The following MAST4 variants were observed in gnomAD, a reference collection of about 807,000 sequenced individuals.
MAST4 encodes microtubule-associated serine/threonine-protein kinase 4.
MAST4 carries 89 observed loss-of-function variants against 162.7 expected under a neutral mutation model. That is an observed-to-expected ratio of 0.55 (90% CI 0.46 to 0.65). MAST4 has a LOEUF of 0.65. Ranked by LOEUF, MAST4 falls within the 30% of genes least tolerant of loss-of-function variation. The pLI is 0.00. For synonymous variants in MAST4, 1,479 were observed against 1,361.1 expected (o/e 1.09, Z -1.91); for missense variants, 3,153 against 3,374.0 (o/e 0.93, Z 1.62).
At chr5:67,162,820 G>A in intron 28 of MAST4, 32 bp downstream of exon 28, 2 of 1,597,030 alleles carry the variant, frequency 1.3e-6, no homozygotes, top group Non-Finnish European at 1.7e-6. Context: ...AACAGCAGAG[G>A]GGAGGGGAGG....
chr5:67,028,097 T>A (rs369912450), intron 4 of MAST4, among the ~76,000 whole-genome samples: 1 of 152,002 alleles, frequency 6.6e-6, no homozygotes, highest in African/African-American at 2.4e-5. Flanking sequence ...CATGTGTGAG[T>A]ATATGTCTGT....
At chr5:66,772,713 G>T (rs969116270) in intron 2 of MAST4, among the ~76,000 whole-genome samples, 1 of 152,188 alleles carries the variant, frequency 6.6e-6, no homozygotes, top group African/African-American at 2.4e-5. Context: ...ATGGAAGGAC[G>T]TGAACTGGAG....
At chr5:66,616,299 C>T (rs369241103) in intron 1 of MAST4, among the ~76,000 whole-genome samples, 1 of 152,124 alleles carries the variant, frequency 6.6e-6, no homozygotes, top group East Asian at 1.9e-4. Flanking sequence ...GCAGCCCCTA[C>T]CAAGGTGAGC....
chr5:66,681,736 A>G (rs368658569), intron 1 of MAST4, among the ~76,000 whole-genome samples: 1 of 152,328 alleles, frequency 6.6e-6, no homozygotes. Flanking sequence ...GAAATGAACT[A>G]TGATGGGGAT....
At chr5:66,675,101 C>G (rs1747861594) in intron 1 of MAST4, among the ~76,000 whole-genome samples, 1 of 152,204 alleles carries the variant, frequency 6.6e-6, no homozygotes, top group Admixed American at 6.5e-5. Flanking sequence ...ACTGCCCTCG[C>G]CTTCTGTGCC....
At chr5:66,698,489 C>A (rs1317848832) in intron 1 of MAST4, among the ~76,000 whole-genome samples, 1 of 151,974 alleles carries the variant, frequency 6.6e-6, no homozygotes, top group Non-Finnish European at 1.5e-5. Context: ...CTTTCTCTGC[C>A]CAGTCTATGG....
chr5:66,637,354 A>C (rs769399559), intron 1 of MAST4, among the ~76,000 whole-genome samples: 2 of 152,030 alleles, frequency 1.3e-5, no homozygotes, highest in Non-Finnish European at 2.9e-5. Flanking sequence ...AATTGGTGGG[A>C]CAAAGAGTAG....
At chr5:67,089,550 C>A (rs1763609211) in intron 5 of MAST4, among the ~76,000 whole-genome samples, 1 of 152,170 alleles carries the variant, frequency 6.6e-6, no homozygotes, top group South Asian at 2.1e-4. Context: ...AACGGGTAAT[C>A]CTGCTGAGCC....
At chr5:66,671,137 A>C (rs1041002598) in intron 1 of MAST4, among the ~76,000 whole-genome samples, 1 of 152,104 alleles carries the variant, frequency 6.6e-6, no homozygotes, top group Non-Finnish European at 1.5e-5. Flanking sequence ...GTATTTTTTT[A>C]AATTGCTGCT....
intron 1 of MAST4, among the ~76,000 whole-genome samples, chr5:66,684,755 A>G (rs1382555571): frequency 1.3e-5 from 2 of 152,168 alleles, no homozygotes; most frequent in African/African-American, 4.8e-5. Context: ...TGGGGGGCTT[A>G]CAATATAAAA....
chr5:66,727,304 A>C (rs1751583956), intron 1 of MAST4, among the ~76,000 whole-genome samples: 2 of 152,182 alleles, frequency 1.3e-5, no homozygotes, highest in South Asian at 4.1e-4. Flanking sequence ...TTTCTCTTCC[A>C]TTCTATTTCA....
chr5:67,166,218 AAACAGACAGAC>A lies in MAST4; in HGVS notation c.7052_7062del (p.Asn2351ArgfsTer22), dbSNP rs769731830. 14 of 1,552,690 alleles carry A rather than the reference AAACAGACAGAC, an allele frequency of 9.0e-6. No individual in the cohort carries two copies. The highest frequency in any genetic ancestry group is 5.9e-5 in the South Asian group (5 of 84,158). On this transcript the variant is annotated frameshift_variant, in exon 29 of 29. Coordinates refer to ENST00000403625, the MANE Select transcript of MAST4 (RefSeq NM_001164664.2). LOFTEE classifies it low-confidence loss of function (END_TRUNC). ...TGTGAAAGATTGCCCCACCCTGTGC[AAACAGACAGAC>A]AACAGACAGACAGACAAAAGCCCGA...
intron 4 of MAST4, among the ~76,000 whole-genome samples, chr5:66,980,607 A>G (rs1400731276): frequency 2.0e-5 from 3 of 152,202 alleles, no homozygotes; most frequent in South Asian, 2.1e-4. Flanking sequence ...AAGGGTGAAA[A>G]TATATTTTAA....
intron 3 of MAST4, among the ~76,000 whole-genome samples, chr5:66,817,950 A>G (rs1048227112): frequency 4.6e-5 from 7 of 152,210 alleles, no homozygotes; most frequent in Non-Finnish European, 7.4e-5. Context: ...AGTTAAATCA[A>G]CTTCCAGAAG....
intron 1 of MAST4, among the ~76,000 whole-genome samples, chr5:66,736,991 T>A (rs1336525793): frequency 6.6e-6 from 1 of 152,244 alleles, no homozygotes; most frequent in Non-Finnish European, 1.5e-5. Context: ...TATGAACACA[T>A]AATTTGTATA....
intron 3 of MAST4, among the ~76,000 whole-genome samples, chr5:66,816,492 G>T (rs953535097): frequency 6.6e-6 from 1 of 152,170 alleles, no homozygotes; most frequent in African/African-American, 2.4e-5. Flanking sequence ...GCTGTTTTAT[G>T]TAAGAGTGTA....
chr5:66,741,592 A>G (rs1705863663), intron 1 of MAST4, among the ~76,000 whole-genome samples: 1 of 152,228 alleles, frequency 6.6e-6, no homozygotes, highest in Non-Finnish European at 1.5e-5. Context: ...TGGAATGTCA[A>G]TAACAGTGAA....
rs150641117 is a variant in MAST4, at chr5:67,167,625, C to G, written c.*574C>G. ...TTAAGATGGAAGAAAGCCCTAAACA[C>G]AGTAGATTCTGAGTTTTTATGTGTA... On this transcript the variant is annotated 3_prime_UTR_variant, in exon 29 of 29. Transcript: ENST00000403625. The G allele has an allele frequency of 2.0e-5, 3 of 152,220 alleles. No homozygotes were observed. The highest frequency in any genetic ancestry group is 7.2e-5 in the African/African-American group (3 of 41,458). The allele number at this position is 152,220 out of a possible 1,614,324, so 9.4% of individuals were successfully genotyped here.
chr5:67,101,007 GT>G (rs762156555), intron 8 of MAST4, among the ~76,000 whole-genome samples: 110 of 152,216 alleles, frequency 7.2e-4, no homozygotes, highest in Non-Finnish European at 1.2e-3. Context: ...TCTTCCCATC[GT>G]AAGTCTTACT....
Sources: allele counts gnomAD v4.1 joint callset (sites outside exome capture counted in the v4.1 genomes callset), GRCh38; gene constraint gnomAD v4.1.1; transcripts MANE v1.5; gene names NCBI Gene and HGNC (gene_info 2026-07-23, HGNC 2026-07-21).